The following EIF4E2 variants were observed in gnomAD, a reference collection of about 807,000 sequenced individuals.
The protein encoded by EIF4E2 is eukaryotic translation initiation factor 4E type 2.
Under a neutral mutation model 34.2 loss-of-function variants are expected in EIF4E2, and 13 were observed. That is an observed-to-expected ratio of 0.38 (90% CI 0.25 to 0.60). The LOEUF (loss-of-function observed/expected upper bound fraction) is 0.60, where lower values mean the gene tolerates loss of function less well. Among genes scored for constraint, EIF4E2 ranks in the 20% least tolerant of loss-of-function variants. EIF4E2 has a pLI of 0.62. For missense variants in EIF4E2, 222 were observed against 315.1 expected (o/e 0.70, Z 2.24); for synonymous variants, 100 against 106.6 (o/e 0.94, Z 0.38).
chr2:232,571,211 G>A (rs952946826), downstream of EIF4E2, among the ~76,000 whole-genome samples: 3 of 152,180 alleles, frequency 2.0e-5, no homozygotes, highest in Non-Finnish European at 2.9e-5. Context: ...ACTGCCTGCC[G>A]CACAGAGCAG....
downstream of EIF4E2, among the ~76,000 whole-genome samples, chr2:232,570,794 G>A (rs1693072890): frequency 6.6e-6 from 1 of 152,156 alleles, no homozygotes; most frequent in African/African-American, 2.4e-5. Flanking sequence ...AAATTAGCCG[G>A]GCATAGTGGC....
chr2:232,554,525 G>C (rs1349593948), intron 1 of EIF4E2, among the ~76,000 whole-genome samples: 1 of 152,152 alleles, frequency 6.6e-6, no homozygotes, highest in Non-Finnish European at 1.5e-5. Flanking sequence ...GTAGATGTTG[G>C]TAATTTTTAA....
chr2:232,574,153 T>G, downstream of EIF4E2: 1 of 1,137,572 alleles, frequency 8.8e-7, no homozygotes, highest in Middle Eastern at 1.9e-4. Flanking sequence ...GTGGCTCCAC[T>G]CGGCTTGGAG....
chr2:232,568,641 C>G, intron 6 of EIF4E2: 1 of 985,292 alleles, frequency 1.0e-6, no homozygotes, highest in Non-Finnish European at 1.2e-6. Context: ...AGGTATTTTT[C>G]ATCAATTCTC....
At chr2:232,552,398 A>G (rs1431922167) in intron 1 of EIF4E2, among the ~76,000 whole-genome samples, 1 of 152,068 alleles carries the variant, frequency 6.6e-6, no homozygotes, top group African/African-American at 2.4e-5. Flanking sequence ...TTTTTTGTAG[A>G]GACGGGGTTT....
At chr2:232,579,655 A>G (rs1384604213) in intron 6 of EIF4E2, among the ~76,000 whole-genome samples, 2 of 152,180 alleles carry the variant, frequency 1.3e-5, no homozygotes, top group Non-Finnish European at 2.9e-5. Context: ...ACCAATTGCC[A>G]TATGTCCCAT....
chr2:232,568,077 G>T (rs185730789), intron 6 of EIF4E2: 2 of 985,362 alleles, frequency 2.0e-6, no homozygotes, highest in East Asian at 2.3e-4. Flanking sequence ...GCTATTGTGA[G>T]GCTGATTTAA....
chr2:232,580,475 G>A (rs2106259127), intron 6 of EIF4E2, among the ~76,000 whole-genome samples: 1 of 152,224 alleles, frequency 6.6e-6, no homozygotes, highest in South Asian at 2.1e-4. Context: ...GTTTCATAAT[G>A]TATATATGAG....
At chr2:232,567,541 C>G in intron 6 of EIF4E2, 1 of 1,245,354 alleles carries the variant, frequency 8.0e-7, no homozygotes, top group Non-Finnish European at 1.0e-6. Flanking sequence ...TTTTCTTTTT[C>G]TTGCTGTTTT....
At chr2:232,569,276 A>G (rs571458322), downstream of EIF4E2, 180 of 1,303,900 alleles carry the variant, frequency 1.4e-4, 1 homozygote, top group African/African-American at 2.5e-3. Context: ...GACTGTCACC[A>G]TATTAAGGGA....
downstream of EIF4E2, among the ~76,000 whole-genome samples, chr2:232,571,512 A>G (rs889979468): frequency 3.0e-4 from 45 of 152,222 alleles, 1 homozygote; most frequent in African/African-American, 1.1e-3. Flanking sequence ...TCTTTGGATT[A>G]GTCCCACTGA....
intron 1 of EIF4E2, among the ~76,000 whole-genome samples, chr2:232,554,082 A>G (rs1036691397): frequency 2.0e-5 from 3 of 152,188 alleles, no homozygotes; most frequent in African/African-American, 7.2e-5. Context: ...AGAACCTTTG[A>G]GATGTTTTTG....
exon 7 of EIF4E2, chr2:232,582,116 T>C (rs1284076700): frequency 2.0e-5 from 3 of 152,656 alleles, no homozygotes; most frequent in African/African-American, 7.2e-5. Flanking sequence ...CCAGAAGGAC[T>C]GAAGTCAGAG....
At chr2:232,569,253 G>A (rs1693033888), downstream of EIF4E2, 8 of 1,360,698 alleles carry the variant, frequency 5.9e-6, no homozygotes, top group Non-Finnish European at 5.7e-6. Context: ...TCAAAGATGT[G>A]GCCTTTCGGA....
intron 1 of EIF4E2, among the ~76,000 whole-genome samples, chr2:232,554,564 C>T (rs1341800147): frequency 2.0e-5 from 3 of 151,818 alleles, no homozygotes; most frequent in African/African-American, 7.3e-5. Flanking sequence ...TAGACAGGCT[C>T]CTTTTGAAAA....
intron 6 of EIF4E2, chr2:232,567,819 A>G: frequency 1.0e-6 from 1 of 985,594 alleles, no homozygotes; most frequent in Non-Finnish European, 1.2e-6. Context: ...CACAGTGAGA[A>G]TCACTGTTAG....
chr2:232,564,273 C>A lies in EIF4E2; in HGVS notation c.297C>A (p.Ser99Arg). Residue 99 changes from serine (S) to arginine (R), a missense_variant, in exon 4 of 7, where the codon AGC becomes AGA. Transcript: ENST00000258416. ...TGGAGCAGTTCTGGAGGTTTTATAG[C>A]CACATGGTACGTCCTGGGGACCTGA... ...ASVEQFWRFY[S>R]HMVRPGDLTG... 6.3e-7 allele frequency: 1 copy of A among 1,598,436 alleles called. No individual in the cohort carries two copies. The highest frequency in any genetic ancestry group is 8.5e-7 in the Non-Finnish European group (1 of 1,171,332).
rs896597825 is a variant in EIF4E2 at position 232,557,979 on chromosome 2, C to G, written c.231C>G (p.Ser77Arg). ...CCGGCCGTCCCACGAGCTCACAGAG[C>G]TATGAACAGAATATCAAACAGATTG... ...RTPGRPTSSQ[S>R]YEQNIKQIGT... is the part of the protein sequence containing the mutation. Residue 77 changes from serine (S) to arginine (R), a missense_variant, in exon 3 of 7, where the codon AGC becomes AGG. Coordinates refer to ENST00000258416, the MANE Select transcript of EIF4E2 (RefSeq NM_004846.4). The G allele has an allele frequency of 1.2e-6, 2 of 1,614,082 alleles. No homozygotes were observed. The highest frequency in any genetic ancestry group is 1.3e-5 in the African/African-American group (1 of 74,930).
intron 6 of EIF4E2, among the ~76,000 whole-genome samples, chr2:232,579,095 G>A (rs1259187109): frequency 6.7e-6 from 1 of 149,334 alleles, no homozygotes; most frequent in Non-Finnish European, 1.5e-5. Flanking sequence ...CTGTAACACA[G>A]CATATTTTCC....
Sources: gnomAD v4.1 joint callset for allele counts (sites outside exome capture counted in the v4.1 genomes callset) on GRCh38, gnomAD v4.1.1 for gene constraint, MANE v1.5 for transcripts, NCBI Gene and HGNC (gene_info 2026-07-23, HGNC 2026-07-21) for gene names.